The following FYN variants were observed in gnomAD, a reference collection of about 807,000 sequenced individuals.
FYN encodes the protein FYN proto-oncogene, Src family tyrosine kinase, also known as tyrosine-protein kinase Fyn.
A neutral mutation model predicts 70.2 loss-of-function variants in FYN; 10 were observed. The observed-to-expected ratio is 0.14, with a 90% CI of 0.09 to 0.24. The LOEUF (loss-of-function observed/expected upper bound fraction) is 0.24, where lower values mean the gene tolerates loss of function less well. Among genes scored for constraint, FYN ranks in the 10% least tolerant of loss-of-function variants. The pLI, the probability that FYN is intolerant of heterozygous loss-of-function variation, is 1.00. For synonymous variants in FYN, 236 were observed against 248.6 expected (o/e 0.95, Z 0.48); for missense variants, 319 against 673.1 (o/e 0.47, Z 5.82).
At chr6:111,744,928 C>T (rs1025753525) in intron 3 of FYN, among the ~76,000 whole-genome samples, 3 of 152,068 alleles carry the variant, frequency 2.0e-5, no homozygotes, top group African/African-American at 7.2e-5. Flanking sequence ...AGTACAACCC[C>T]GGCAAAGAAT....
At chr6:111,666,755 C>G (rs955363421) in intron 13 of FYN, among the ~76,000 whole-genome samples, 2 of 152,090 alleles carry the variant, frequency 1.3e-5, no homozygotes, top group Non-Finnish European at 2.9e-5. Flanking sequence ...ATTGCTTGAG[C>G]CCAGGAGGTT....
chr6:111,838,015 C>T lies in FYN; in HGVS notation c.-82+8574G>A, dbSNP rs578249849. ...ACTTAATGAACGCCCCTAGATCTTC[C>T]GAAAAGCCATCATGCTCACCCAACA... is the stretch of plus-strand genomic sequence containing the variant. On this transcript the variant is annotated intron_variant, in intron 2 of 13. Coordinates refer to ENST00000354650, the MANE Select transcript of FYN (RefSeq NM_002037.5). 3.9e-5 allele frequency among the ~76,000 whole-genome samples: 6 copies of T among 152,286 alleles called. No homozygotes were observed. The East Asian group carries it at 5.8e-4, about 15-fold the overall frequency.
intron 3 of FYN, among the ~76,000 whole-genome samples, chr6:111,772,642 T>C (rs1803494221): frequency 6.6e-6 from 1 of 152,130 alleles, no homozygotes; most frequent in African/African-American, 2.4e-5. Flanking sequence ...CTCCACTTAA[T>C]AACAAGCCTC....
Position 111,774,518 on chromosome 6 carries a change from T to A in FYN, c.-12+6048A>T, listed in dbSNP as rs968925301. Among the ~76,000 whole-genome samples, 9 of 152,268 alleles carry A rather than the reference T, an allele frequency of 5.9e-5. No individual in the cohort carries two copies. In the East Asian group the frequency reaches 1.5e-3, roughly 26 times the overall value. On this transcript the variant is annotated intron_variant, in intron 3 of 13. Coordinates refer to ENST00000354650, the MANE Select transcript of FYN (RefSeq NM_002037.5). The stretch of plus-strand genomic sequence containing the variant: ...CTGCCCCACTTTCTCTTGCATCATG[T>A]GCCAATGGCACCTCCCAGTCTTTGT...
In FYN at chr6:111,781,548, A is replaced by G. The variant is rs187083395; in HGVS notation, c.-81-913T>C. On this transcript the variant is annotated intron_variant, in intron 2 of 13. Coordinates refer to ENST00000354650, the MANE Select transcript of FYN (RefSeq NM_002037.5). ...GCGAATTTACCTGTCGAGTCATGTT[A>G]GCCTGGCACTCAAGCTCACCCCAGC... is the stretch of plus-strand genomic sequence containing the variant. 1.0e-3 allele frequency among the ~76,000 whole-genome samples: 154 copies of G among 152,292 alleles called. 4 individuals carry two copies. The highest frequency in any genetic ancestry group is 1.0e-4 in the Non-Finnish European group (7 of 68,026).
At chr6:111,799,736 G>A (rs1771923766) in intron 2 of FYN, among the ~76,000 whole-genome samples, 1 of 152,208 alleles carries the variant, frequency 6.6e-6, no homozygotes, top group Admixed American at 6.5e-5. Flanking sequence ...CAGGGCACAA[G>A]TGGTTCAGGT....
At chr6:111,837,738 C>T (rs1220235042) in intron 2 of FYN, among the ~76,000 whole-genome samples, 7 of 152,170 alleles carry the variant, frequency 4.6e-5, no homozygotes, top group South Asian at 4.1e-4. Flanking sequence ...CAGCTTCTCC[C>T]GTGGCCTAGC....
At chr6:111,759,406 G>T (rs1267919099) in intron 3 of FYN, among the ~76,000 whole-genome samples, 1 of 152,142 alleles carries the variant, frequency 6.6e-6, no homozygotes, top group Non-Finnish European at 1.5e-5. Flanking sequence ...TAAGAGCAAA[G>T]AATGGCATTT....
intron 7 of FYN, among the ~76,000 whole-genome samples, chr6:111,703,465 T>A (rs1211118315): frequency 6.6e-6 from 1 of 152,200 alleles, no homozygotes; most frequent in Non-Finnish European, 1.5e-5. Flanking sequence ...TCTCTAGAAG[T>A]GAGCTTCAAG....
At position 111,688,532 on chromosome 6, in the gene FYN, C is replaced by T. The variant is rs376821415; in HGVS notation, c.1273+5843G>A. On this transcript the variant is annotated intron_variant, in intron 12 of 13. Transcript: ENST00000354650. ...TATGTGCTCTGTGTCTACAAGGGCCCGCTGCTAGTCTTTAAACTAAATCAC... is the reference window on the plus strand; with the variant it reads ...TATGTGCTCTGTGTCTACAAGGGCCTGCTGCTAGTCTTTAAACTAAATCAC... 1.1e-3 allele frequency among the ~76,000 whole-genome samples: 165 copies of T among 152,214 alleles called. 2 individuals are homozygous for T. The highest frequency in any genetic ancestry group is 3.7e-3 in the African/African-American group (153 of 41,528).
At position 111,780,628 on chromosome 6, in the gene FYN, G is replaced by A. The variant is rs1045918791; in HGVS notation, c.-74C>T. 1 of 152,530 alleles carries A rather than the reference G, an allele frequency of 6.6e-6. No homozygotes were observed. Among genetic ancestry groups the A allele is most frequent in the Admixed American group, 6.5e-5 (1 of 15,284 alleles). 9.4% of individuals were successfully genotyped at this position (152,530 alleles called of 1,614,324 possible). On this transcript the variant is annotated 5_prime_UTR_variant, in exon 3 of 14. Transcript: ENST00000354650. ...CACATGTCTTCTACAACAGAGGCAGGACTGGTCCTGAAAAACAATACCACA... is the reference window on the plus strand; with the variant it reads ...CACATGTCTTCTACAACAGAGGCAGAACTGGTCCTGAAAAACAATACCACA...
chr6:111,823,627 A>C (rs1772743218), intron 2 of FYN, among the ~76,000 whole-genome samples: 1 of 152,192 alleles, frequency 6.6e-6, no homozygotes, highest in African/African-American at 2.4e-5. Flanking sequence ...TGAACTAAAA[A>C]GGACTCTCTC....
At chr6:111,854,195 G>A (rs560577965) in intron 1 of FYN, among the ~76,000 whole-genome samples, 10 of 152,242 alleles carry the variant, frequency 6.6e-5, no homozygotes, top group South Asian at 4.1e-4. Flanking sequence ...CTTGTCTACC[G>A]GTGTGTGAGA....
intron 9 of FYN, among the ~76,000 whole-genome samples, chr6:111,698,655 T>A (rs1799686220): frequency 6.6e-6 from 1 of 152,150 alleles, no homozygotes. Context: ...ATAAAAGAAA[T>A]TACAAAGGCC....
intron 2 of FYN, among the ~76,000 whole-genome samples, chr6:111,803,501 T>C (rs1403247988): frequency 1.3e-5 from 2 of 152,168 alleles, no homozygotes; most frequent in African/African-American, 4.8e-5. Context: ...ATTCATCATA[T>C]ATCCTCAGCT....
intron 9 of FYN, chr6:111,699,527 C>G (rs956286820): frequency 8.7e-6 from 14 of 1,613,644 alleles, no homozygotes; most frequent in Non-Finnish European, 1.2e-5. Flanking sequence ...AGCCACACTT[C>G]AGCGAAACAC....
intron 2 of FYN, among the ~76,000 whole-genome samples, chr6:111,788,245 T>C (rs1771474588): frequency 6.6e-6 from 1 of 152,242 alleles, no homozygotes; most frequent in Non-Finnish European, 1.5e-5. Flanking sequence ...AGGGCAAGAA[T>C]GCAGGCTAAA....
At chr6:111,770,177 T>C (rs1180386652) in intron 3 of FYN, among the ~76,000 whole-genome samples, 1 of 152,204 alleles carries the variant, frequency 6.6e-6, no homozygotes, top group Non-Finnish European at 1.5e-5. Flanking sequence ...AAATGTAAAC[T>C]ACATATGAAG....
chr6:111,727,494 C>G (rs1159456693), intron 3 of FYN, among the ~76,000 whole-genome samples: 2 of 152,144 alleles, frequency 1.3e-5, no homozygotes, highest in Non-Finnish European at 2.9e-5. Context: ...CTTGGTGAAG[C>G]CTGTGAGGGA....
Sources: allele counts gnomAD v4.1 joint callset (sites outside exome capture counted in the v4.1 genomes callset), GRCh38; gene constraint gnomAD v4.1.1; transcripts MANE v1.5; gene names NCBI Gene and HGNC (gene_info 2026-07-23, HGNC 2026-07-21).